The following ZNF516 variants were observed in gnomAD, a reference collection of about 807,000 sequenced individuals.
ZNF516 encodes the protein zinc finger protein 516.
In ZNF516, 19 loss-of-function variants were observed where a neutral mutation model predicts 79.7. That is an observed-to-expected ratio of 0.24 (90% CI 0.17 to 0.35). The LOEUF (loss-of-function observed/expected upper bound fraction) is 0.35. Among genes scored for constraint, ZNF516 ranks in the 10% least tolerant of loss-of-function variants. The probability of loss-of-function intolerance (pLI) is 1.00; values close to 1 mark genes in which losing one functional copy is unlikely to be tolerated. For synonymous variants in ZNF516, 877 were observed against 739.5 expected (o/e 1.19, Z -3.02); for missense variants, 1,678 against 1,679.5 (o/e 1.00, Z 0.02).
chr18:76,431,982 A>G (rs956743821), intron 3 of ZNF516, among the ~76,000 whole-genome samples: 3 of 152,230 alleles, frequency 2.0e-5, no homozygotes, highest in Non-Finnish European at 2.9e-5. Flanking sequence ...CCTGGCGGGA[A>G]CAGGACAGGG....
intron 1 of ZNF516, chr18:76,490,142 A>G (rs1915079370): frequency 1.0e-6 from 1 of 985,114 alleles, no homozygotes. Flanking sequence ...AGTCTTACAC[A>G]GAATTCAGTT....
chr18:76,470,961 T>C (rs1913798699), intron 1 of ZNF516, among the ~76,000 whole-genome samples: 7 of 152,228 alleles, frequency 4.6e-5, no homozygotes, highest in Admixed American at 4.6e-4. Context: ...AACCTGATTT[T>C]TTAAATTTCT....
chr18:76,451,389 C>T lies in ZNF516; in HGVS notation c.-157-8178G>A, dbSNP rs1046703186. On this transcript the variant is annotated intron_variant, in intron 2 of 6. Transcript: ENST00000443185. This position sits in a 1 kb window ranked among gnomAD's most constrained non-coding sequence, Gnocchi z 6.0. Reference sequence around the variant, plus strand: ...GACAGCCCGGTCCTGCGCACATCTCCGCTGACAGGGCATTCCTCAGGAGGG... The same window carrying T: ...GACAGCCCGGTCCTGCGCACATCTCTGCTGACAGGGCATTCCTCAGGAGGG... Among the ~76,000 whole-genome samples, 7 of 152,126 alleles carry T rather than the reference C, an allele frequency of 4.6e-5. No individual in the cohort carries two copies. The highest frequency in any genetic ancestry group is 6.5e-5 in the Admixed American group (1 of 15,282).
At chr18:76,487,765 C>T (rs10460104) in intron 1 of ZNF516, among the ~76,000 whole-genome samples, 12,925 of 114,584 alleles carry the variant, frequency 0.11, 688 homozygotes, top group East Asian at 0.29. Flanking sequence ...CACTCCCAAA[C>T]TCACTGGTTC....
At chr18:76,406,468 G>A (rs571522438) in intron 3 of ZNF516, among the ~76,000 whole-genome samples, 58 of 152,336 alleles carry the variant, frequency 3.8e-4, no homozygotes, top group African/African-American at 1.3e-3. Context: ...GGAGGCTGAG[G>A]CAGGAGAATC....
intron 5 of ZNF516, among the ~76,000 whole-genome samples, chr18:76,370,886 C>G (rs1251119294): frequency 1.3e-5 from 2 of 152,208 alleles, no homozygotes; most frequent in African/African-American, 4.8e-5. Context: ...TACCACTCGG[C>G]CTGTGTCATC....
chr18:76,434,600 C>A (rs1442248134), intron 3 of ZNF516, among the ~76,000 whole-genome samples: 1 of 152,238 alleles, frequency 6.6e-6, no homozygotes, highest in South Asian at 2.1e-4. Flanking sequence ...AGGACTTCTG[C>A]ACAGAGTACC....
At chr18:76,447,751 G>T (rs1380080225) in intron 2 of ZNF516, among the ~76,000 whole-genome samples, 1 of 152,198 alleles carries the variant, frequency 6.6e-6, no homozygotes, top group Non-Finnish European at 1.5e-5. Flanking sequence ...CTGGTAAGAT[G>T]TATTACAAAC....
chr18:76,421,320 C>T (rs2075504291), intron 3 of ZNF516, among the ~76,000 whole-genome samples: 1 of 152,198 alleles, frequency 6.6e-6, no homozygotes, highest in Non-Finnish European at 1.5e-5. Flanking sequence ...AGGCTGCTGT[C>T]CTGGCTGCCA....
rs201885954 is a variant in ZNF516, at chr18:76,379,428, G to C, written c.2686C>G (p.Pro896Ala). Residue 896 changes from proline (P) to alanine (A), a missense_variant, in exon 4 of 7, where the codon CCA (proline) becomes GCA (alanine). Pro to Ala is a conservative substitution (Grantham distance 27). Transcript: ENST00000443185. Reference protein sequence around the residue: ...RQTKPCHGQEPHGAATQGPLA... With the variant: ...RQTKPCHGQEAHGAATQGPLA... ...GGCCCCTGTGTGGCCGCGCCATGTG[G>C]CTCCTGGCCGTGACAAGGTTTGGTC... 9 of 1,611,780 alleles carry C rather than the reference G, an allele frequency of 5.6e-6. No homozygotes were observed. The highest frequency in any genetic ancestry group is 7.6e-6 in the Non-Finnish European group (9 of 1,179,040).
At chr18:76,378,668 G>T (rs2074829311) in intron 4 of ZNF516, among the ~76,000 whole-genome samples, 187 bp downstream of exon 4, 2 of 152,242 alleles carry the variant, frequency 1.3e-5, no homozygotes, top group Admixed American at 1.3e-4. Context: ...GAGCCTGGGA[G>T]AGCTGTTCCC....
At chr18:76,490,837 C>G in intron 1 of ZNF516, 1 of 985,482 alleles carries the variant, frequency 1.0e-6, no homozygotes, top group Non-Finnish European at 1.2e-6. Flanking sequence ...TCCTTTGTTA[C>G]GCAGGGGACA....
rs1426294094 is a variant in ZNF516 at position 76,442,649 on chromosome 18, C to T, written c.406G>A (p.Gly136Ser). 1.3e-6 allele frequency: 2 copies of T among 1,586,078 alleles called. No homozygotes were observed. The highest frequency in any genetic ancestry group is 1.7e-4 in the Middle Eastern group (1 of 5,888). Residue 136 changes from glycine (G) to serine (S), a missense_variant, in exon 3 of 7, where the codon GGC becomes AGC. Physicochemically the swap from Gly to Ser is moderately conservative, Grantham distance 56. Transcript: ENST00000443185. Reference sequence around the variant, plus strand: ...GAGGCCCCGTTCAGGACCCTGGCGCCGTCGGCCTGCGAGGCCCCGTTCAGC... The same window carrying T: ...GAGGCCCCGTTCAGGACCCTGGCGCTGTCGGCCTGCGAGGCCCCGTTCAGC... The part of the protein sequence containing the change: ...RLLNGASQAD[G>S]ARVLNGASQA...
chr18:76,489,586 CAAAAAAA>C (rs5826461), intron 1 of ZNF516, among the ~76,000 whole-genome samples: 83 of 109,376 alleles, frequency 7.6e-4, no homozygotes, highest in Middle Eastern at 8.8e-3. Context: ...CAACATCTTA[CAAAAAAA>C]AAAAAAAAAA....
chr18:76,491,660 C>T (rs1915231086), intron 1 of ZNF516: 1 of 669,306 alleles, frequency 1.5e-6, no homozygotes, highest in Non-Finnish European at 1.8e-6. Context: ...CAGCAACAAG[C>T]GGCCACCGCC....
intron 1 of ZNF516, among the ~76,000 whole-genome samples, chr18:76,490,450 T>G (rs1323615750): frequency 2.6e-5 from 4 of 152,208 alleles, no homozygotes; most frequent in Admixed American, 6.5e-5. Flanking sequence ...TCTTTTTATT[T>G]TACACGGCAG....
rs566545722 is a variant in ZNF516, at chr18:76,464,169, C to CAAAA, written c.-271-1032_-271-1029dup. ...TAAAACCCCGTCTGTACTAAAAATA[C>CAAAA]AAAAAAAAATTTTAGTACTTTAAAA... On this transcript the variant is annotated intron_variant, in intron 1 of 6. Transcript: ENST00000443185. Among the ~76,000 whole-genome samples, 3 of 150,460 alleles carry CAAAA rather than the reference C, an allele frequency of 2.0e-5. No individual in the cohort carries two copies. In the South Asian group the frequency reaches 6.3e-4, roughly 32 times the overall value.
At chr18:76,386,246 C>T (rs2074990664) in intron 3 of ZNF516, 1 of 152,088 alleles carries the variant, frequency 6.6e-6, no homozygotes, top group African/African-American at 2.4e-5. Context: ...TTGTTGAACA[C>T]ACAGGGTGGC....
chr18:76,390,112 T>C (rs527474120), intron 3 of ZNF516, among the ~76,000 whole-genome samples: 1 of 152,228 alleles, frequency 6.6e-6, no homozygotes, highest in South Asian at 2.1e-4. Flanking sequence ...ACACAAAACG[T>C]CCTGACGGGT....
Sources: allele counts gnomAD v4.1 joint callset (sites outside exome capture counted in the v4.1 genomes callset), GRCh38; gene constraint gnomAD v4.1.1; non-coding constraint Gnocchi (gnomAD v3.1); transcripts MANE v1.5; gene names NCBI Gene and HGNC (gene_info 2026-07-23, HGNC 2026-07-21).